The following ZNF536 variants were observed in gnomAD, a reference collection of about 807,000 sequenced individuals.
ZNF536 encodes zinc finger protein 536.
A neutral mutation model predicts 84.5 loss-of-function variants in ZNF536; 13 were observed. The ratio of observed to expected loss-of-function variants is 0.15; its 90% CI spans 0.10 to 0.24. ZNF536 has a LOEUF of 0.24. ZNF536 is among the 10% of genes least tolerant of loss of function. The pLI is 1.00. For synonymous variants in ZNF536, 811 were observed against 742.5 expected, an observed-to-expected ratio of 1.09 and a Z score of -1.50; for missense variants, 1,536 against 1,747.5, an observed-to-expected ratio of 0.88 and a Z score of 2.16.
At chr19:30,383,675 C>T (rs12982413) in intron 1 of ZNF536, among the ~76,000 whole-genome samples, 7,794 of 25,094 alleles carry the variant, frequency 0.31, 921 homozygotes, top group African/African-American at 0.45. Flanking sequence ...TTTCTTTCTT[C>T]CTTTCTTCCT....
chr19:30,250,200 A>G (rs773134839), intron 1 of ZNF536, among the ~76,000 whole-genome samples: 1 of 152,212 alleles, frequency 6.6e-6, no homozygotes, highest in Non-Finnish European at 1.5e-5. Flanking sequence ...TGGTGTTTAC[A>G]TTCCACCATG....
chr19:30,355,944 C>A (rs1292058616), intron 3 of ZNF536, among the ~76,000 whole-genome samples: 2 of 152,194 alleles, frequency 1.3e-5, no homozygotes, highest in African/African-American at 2.4e-5. Flanking sequence ...TGCCAAAAAG[C>A]CTGCGGACAG....
chr19:30,585,338 A>C (rs1296370425), intron 1 of ZNF536, among the ~76,000 whole-genome samples: 1 of 152,184 alleles, frequency 6.6e-6, no homozygotes, highest in African/African-American at 2.4e-5. Flanking sequence ...CCTGGCACAG[A>C]GTAGATTCTC....
chr19:30,313,403 T>A lies in ZNF536; in HGVS notation c.-120+29262T>A, dbSNP rs566913742. Among the ~76,000 whole-genome samples the A allele has an allele frequency of 1.3e-3, 198 of 152,246 alleles. 1 individual carries two copies. Among genetic ancestry groups the A allele is most frequent in the African/African-American group, 4.4e-3 (183 of 41,544 alleles). On this transcript the variant is annotated intron_variant, in intron 2 of 5. Transcript: ENST00000585628. ...ACTTCTGCTTAGGTCCCCTGCCTTGTCTCCTCCCCACTGTGTCAGTCAGAG... is the reference window on the plus strand; with the variant it reads ...ACTTCTGCTTAGGTCCCCTGCCTTGACTCCTCCCCACTGTGTCAGTCAGAG...
chr19:30,424,340 G>A (rs2051118922), intron 1 of ZNF536, among the ~76,000 whole-genome samples: 1 of 152,136 alleles, frequency 6.6e-6, no homozygotes, highest in African/African-American at 2.4e-5. Context: ...GAGGAGGCCA[G>A]GAATCCCTCT....
chr19:30,369,005 C>G (rs535788808), upstream of ZNF536, among the ~76,000 whole-genome samples: 1 of 152,194 alleles, frequency 6.6e-6, no homozygotes, highest in African/African-American at 2.4e-5. Context: ...ACTGACTGAT[C>G]CAGTAAATTT....
At chr19:30,703,227 G>A (rs1024819280) in intron 1 of ZNF536, among the ~76,000 whole-genome samples, 3 of 152,186 alleles carry the variant, frequency 2.0e-5, no homozygotes, top group African/African-American at 7.2e-5. Flanking sequence ...TTGGAGAACA[G>A]AGAGAAGTCT....
chr19:30,230,317 A>C (rs986452220), intron 1 of ZNF536, among the ~76,000 whole-genome samples: 1 of 152,222 alleles, frequency 6.6e-6, no homozygotes, highest in African/African-American at 2.4e-5. Context: ...TTCACCCTAA[A>C]CTGGGTTTGG....
intron 2 of ZNF536, among the ~76,000 whole-genome samples, chr19:30,502,106 CTT>C (rs2054975296): frequency 6.6e-6 from 1 of 152,200 alleles, no homozygotes. Context: ...ATACCCATAT[CTT>C]TGCCTGAACG....
chr19:30,678,517 C>T (rs1183636138), intron 1 of ZNF536, among the ~76,000 whole-genome samples: 1 of 152,204 alleles, frequency 6.6e-6, no homozygotes, highest in Non-Finnish European at 1.5e-5. Context: ...AAGCAGTTAC[C>T]TGTCCCAGCT....
intron 1 of ZNF536, among the ~76,000 whole-genome samples, chr19:30,374,799 C>A (rs905082529): frequency 1.3e-5 from 2 of 151,862 alleles, no homozygotes; most frequent in Non-Finnish European, 2.9e-5. Context: ...GAGGCCACCC[C>A]CAGCCGGCGC....
At chr19:30,637,399 A>G (rs576271874) in intron 1 of ZNF536, among the ~76,000 whole-genome samples, 1 of 152,316 alleles carries the variant, frequency 6.6e-6, no homozygotes, top group Non-Finnish European at 1.5e-5. Flanking sequence ...TCCCCTGTGG[A>G]AGGAGGGCTG....
chr19:30,270,194 C>T (rs912554669), intron 1 of ZNF536, among the ~76,000 whole-genome samples: 9 of 152,166 alleles, frequency 5.9e-5, no homozygotes, highest in Admixed American at 4.6e-4. Context: ...GACAATTCTT[C>T]GTGGATACAA....
intron 1 of ZNF536, among the ~76,000 whole-genome samples, chr19:30,418,658 TG>T (rs891523379): frequency 6.6e-5 from 10 of 152,178 alleles, no homozygotes; most frequent in African/African-American, 2.4e-4. Flanking sequence ...CCTCTGAAGG[TG>T]GGGTTGGCCG....
chr19:30,695,839 C>T (rs76456352), intron 1 of ZNF536, among the ~76,000 whole-genome samples: 1,667 of 152,218 alleles, frequency 0.011, 37 homozygotes, highest in African/African-American at 0.038. Context: ...ACAGGGCTGG[C>T]TGTCACCATC....
intron 2 of ZNF536, among the ~76,000 whole-genome samples, chr19:30,451,192 G>T (rs1352821739): frequency 6.6e-6 from 1 of 152,252 alleles, no homozygotes; most frequent in African/African-American, 2.4e-5. Flanking sequence ...AGGCCCCCGT[G>T]TCTTCCCCTG....
intron 3 of ZNF536, among the ~76,000 whole-genome samples, chr19:30,364,236 G>A (rs8105307): frequency 0.034 from 5,158 of 152,214 alleles, 230 homozygotes; most frequent in African/African-American, 0.1. Flanking sequence ...GAGAAAGAGA[G>A]TCACCCTAGC....
At chr19:30,493,801 G>C (rs1040122475) in intron 2 of ZNF536, among the ~76,000 whole-genome samples, 1 of 152,116 alleles carries the variant, frequency 6.6e-6, no homozygotes. Context: ...GGTTCCTGCG[G>C]GGGCCAGAAA....
At chr19:30,632,355 C>T (rs1428685532) in intron 1 of ZNF536, among the ~76,000 whole-genome samples, 3 of 152,102 alleles carry the variant, frequency 2.0e-5, no homozygotes, top group African/African-American at 7.2e-5. Context: ...CTTGTAATCC[C>T]AACACTTTGG....
Sources: gnomAD v4.1 joint callset for allele counts (sites outside exome capture counted in the v4.1 genomes callset) on GRCh38, gnomAD v4.1.1 for gene constraint, MANE v1.5 for transcripts, NCBI Gene and HGNC (gene_info 2026-07-23, HGNC 2026-07-21) for gene names.